Variants in TMEM185A observed in about 807,000 individuals in gnomAD.
TMEM185A encodes family with sequence similarity 11, member A.
In TMEM185A, 9 loss-of-function variants were observed where a neutral mutation model predicts 25.0. The ratio of observed to expected loss-of-function variants is 0.36; its 90% CI spans 0.22 to 0.63. The LOEUF is 0.63. TMEM185A is among the 20% of genes least tolerant of loss of function. TMEM185A has a pLI of 0.68. For missense variants in TMEM185A, 103 were observed against 237.4 expected, an observed-to-expected ratio of 0.43 and a Z score of 3.72; for synonymous variants, 45 against 93.5, an observed-to-expected ratio of 0.48 and a Z score of 2.99.
intron 4 of TMEM185A, chrX:149,602,318 A>G (rs924234695): frequency 8.9e-6 from 1 of 112,182 alleles, no homozygotes; most frequent in African/African-American, 3.2e-5. Context: ...TCTCTGCCTA[A>G]TTGCAAACCC....
intron 1 of TMEM185A, among the ~76,000 whole-genome samples, chrX:149,619,808 C>T (rs1449595235): frequency 9.0e-6 from 1 of 111,219 alleles, no homozygotes; most frequent in African/African-American, 3.3e-5. Flanking sequence ...CAATTTCACC[C>T]ATGTCCCTAC....
chrX:149,607,294 C>T (rs782443493), intron 3 of TMEM185A, among the ~76,000 whole-genome samples: 6 of 112,282 alleles, frequency 5.3e-5, no homozygotes, highest in Non-Finnish European at 7.5e-5. Flanking sequence ...TTCATCCACA[C>T]GGCTCAAAAC....
chrX:149,623,292 A>G (rs1412331614), intron 1 of TMEM185A, among the ~76,000 whole-genome samples: 1 of 111,529 alleles, frequency 9.0e-6, no homozygotes, highest in Non-Finnish European at 1.9e-5. Flanking sequence ...CTGTGGTAAC[A>G]TGGTAGGGGA....
chrX:149,602,068 G>GTA, intron 4 of TMEM185A: 1 of 84,583 alleles, frequency 1.2e-5, no homozygotes, highest in Non-Finnish European at 2.3e-5. Context: ...TTTTCGCCAT[G>GTA]TGTATATCCC....
chrX:149,606,119 T>C (rs1228042665), intron 3 of TMEM185A, among the ~76,000 whole-genome samples: 1 of 112,359 alleles, frequency 8.9e-6, no homozygotes, highest in African/African-American at 3.2e-5. Flanking sequence ...TAACCAAAAC[T>C]AATTCCCAGT....
At chrX:149,613,252 CAGTGTA>C (rs782099023) in intron 1 of TMEM185A, among the ~76,000 whole-genome samples, 2 of 112,253 alleles carry the variant, frequency 1.8e-5, no homozygotes, top group East Asian at 5.6e-4. Flanking sequence ...CAGGTGTGCC[CAGTGTA>C]ATCACATAAG....
intron 1 of TMEM185A, among the ~76,000 whole-genome samples, chrX:149,626,243 T>TCTGA (rs1557356001): frequency 8.9e-6 from 1 of 112,357 alleles, no homozygotes; most frequent in Admixed American, 9.4e-5. Context: ...AAGACCATTT[T>TCTGA]CTGACTGTAG....
chrX:149,631,490 C>T, intron 1 of TMEM185A, 53 bp downstream of exon 1: 1 of 1,134,606 alleles, frequency 8.8e-7, no homozygotes. Flanking sequence ...AACACCAGCC[C>T]GCGCCCGAGC....
intron 1 of TMEM185A, 113 bp downstream of exon 1, chrX:149,631,430 C>A (rs2090191738): frequency 1.1e-6 from 1 of 928,926 alleles, no homozygotes; most frequent in Non-Finnish European, 1.4e-6. Context: ...CGGGCAGGCG[C>A]CCGGGTCCTC....
intron 1 of TMEM185A, among the ~76,000 whole-genome samples, chrX:149,611,960 T>G (rs2090086018): frequency 8.9e-6 from 1 of 112,538 alleles, no homozygotes; most frequent in African/African-American, 3.2e-5. Flanking sequence ...ATTCTATTTC[T>G]AAAAAGGCAG....
At chrX:149,598,674 A>C (rs1312461804) in intron 6 of TMEM185A, among the ~76,000 whole-genome samples, 3 of 60,058 alleles carry the variant, frequency 5.0e-5, no homozygotes, top group Non-Finnish European at 8.0e-5. Flanking sequence ...GTCTTCCGCT[A>C]ATCTTCTCCA....
intron 1 of TMEM185A, among the ~76,000 whole-genome samples, chrX:149,623,531 T>C (rs1439286118): frequency 3.6e-5 from 4 of 109,685 alleles, no homozygotes; most frequent in African/African-American, 6.6e-5. Flanking sequence ...AAAATACAAT[T>C]GAAACATAAA....
intron 1 of TMEM185A, among the ~76,000 whole-genome samples, chrX:149,625,132 A>C (rs191312824): frequency 1.6e-3 from 184 of 112,334 alleles, no homozygotes; most frequent in African/African-American, 5.4e-3. Context: ...CTTTTGTCTT[A>C]AATTCCAGTC....
chrX:149,616,278 T>C (rs970624649), intron 1 of TMEM185A, among the ~76,000 whole-genome samples: 4 of 112,434 alleles, frequency 3.6e-5, no homozygotes, highest in Non-Finnish European at 5.6e-5. Flanking sequence ...TAGTTTCCTA[T>C]GGGTGCTGTA....
At chrX:149,606,424 G>A (rs1329028409) in intron 3 of TMEM185A, among the ~76,000 whole-genome samples, 2 of 113,121 alleles carry the variant, frequency 1.8e-5, no homozygotes, top group Non-Finnish European at 3.7e-5. Context: ...GGTGCCCTGT[G>A]AGTGCACTGG....
intron 1 of TMEM185A, among the ~76,000 whole-genome samples, chrX:149,615,609 A>C (rs1263743388): frequency 1.8e-5 from 2 of 112,319 alleles, no homozygotes; most frequent in East Asian, 2.8e-4. Flanking sequence ...ACAAAATTGA[A>C]GGACACAAGG....
chrX:149,620,397 A>G (rs2090133817), intron 1 of TMEM185A, among the ~76,000 whole-genome samples: 1 of 112,292 alleles, frequency 8.9e-6, no homozygotes. Flanking sequence ...TTCCCATTTC[A>G]TCACATGGAA....
chrX:149,608,035 C>T (rs955474511), intron 3 of TMEM185A, among the ~76,000 whole-genome samples: 1 of 111,958 alleles, frequency 8.9e-6, no homozygotes, highest in Non-Finnish European at 1.9e-5. Flanking sequence ...AGATTTCAGA[C>T]TTGCCAGCCC....
intron 1 of TMEM185A, among the ~76,000 whole-genome samples, chrX:149,614,020 C>T (rs961722233): frequency 8.9e-6 from 1 of 111,958 alleles, no homozygotes; most frequent in Non-Finnish European, 1.9e-5. Context: ...ACTAATAGAA[C>T]ACATAAACAG....
Sources: allele counts gnomAD v4.1 joint callset (sites outside exome capture counted in the v4.1 genomes callset), GRCh38; gene constraint gnomAD v4.1.1; transcripts MANE v1.5; gene names NCBI Gene and HGNC (gene_info 2026-07-23, HGNC 2026-07-21).